FERRY3: variants seen among roughly 807,000 people sequenced by gnomAD.
FERRY3 encodes FERRY endosomal RAB5 effector complex subunit 3.
chr12:4,495,219 A>G, the FERRY3 span, among the ~76,000 whole-genome samples: 3 of 152,168 alleles, frequency 2.0e-5, no homozygotes, highest in African/African-American at 7.2e-5. Context: ...CACTTACGTT[A>G]AACATTTTAT....
the FERRY3 span, among the ~76,000 whole-genome samples, chr12:4,535,204 A>C: frequency 6.6e-6 from 1 of 152,200 alleles, no homozygotes; most frequent in East Asian, 1.9e-4. This position sits in a 1 kb window ranked among gnomAD's most constrained non-coding sequence, Gnocchi z 4.0. Flanking sequence ...TCGCGACTTT[A>C]GACTGTGGTT....
At chr12:4,517,072 T>C in the FERRY3 span, 1 of 1,551,900 alleles carries the variant, frequency 6.4e-7, no homozygotes, top group Non-Finnish European at 8.7e-7. Flanking sequence ...AAGTGATTCT[T>C]TCAATTTACT....
chr12:4,491,845 T>A, the FERRY3 span, among the ~76,000 whole-genome samples: 2 of 152,226 alleles, frequency 1.3e-5, no homozygotes, highest in Admixed American at 1.3e-4. Context: ...TAAATCTTCA[T>A]AATTATAACT....
chr12:4,501,927 G>A, the FERRY3 span, among the ~76,000 whole-genome samples: 10 of 152,052 alleles, frequency 6.6e-5, no homozygotes, highest in South Asian at 2.1e-4. Context: ...TGGACCCTGC[G>A]TCTCTCTCCA....
At chr12:4,490,456 A>G in the FERRY3 span, 11 of 1,291,608 alleles carry the variant, frequency 8.5e-6, no homozygotes, top group Non-Finnish European at 1.2e-5. Flanking sequence ...CAGGATGCCT[A>G]GCTGTATCTG....
chr12:4,489,827 T>C, the FERRY3 span: 1 of 1,606,888 alleles, frequency 6.2e-7, no homozygotes, highest in Non-Finnish European at 8.5e-7. Flanking sequence ...GATGTCAGAG[T>C]GAGTGTTGAT....
the FERRY3 span, among the ~76,000 whole-genome samples, chr12:4,502,682 G>A: frequency 6.6e-6 from 1 of 152,124 alleles, no homozygotes; most frequent in Non-Finnish European, 1.5e-5. This position sits in a 1 kb window ranked among gnomAD's most constrained non-coding sequence, Gnocchi z 4.2. Context: ...TAAACATACA[G>A]TATACTTAAA....
chr12:4,505,298 A>G, the FERRY3 span: 1 of 1,533,326 alleles, frequency 6.5e-7, no homozygotes, highest in Non-Finnish European at 9.0e-7. Context: ...ATAAAAAGAA[A>G]TACTTACCAG....
the FERRY3 span, chr12:4,491,169 A>T: frequency 6.2e-7 from 1 of 1,612,684 alleles, no homozygotes; most frequent in Admixed American, 1.7e-5. Context: ...AGAGAAGATT[A>T]TGCTCACCTT....
chr12:4,509,502 G>A, the FERRY3 span, among the ~76,000 whole-genome samples: 1 of 150,364 alleles, frequency 6.7e-6, no homozygotes, highest in East Asian at 1.9e-4. Context: ...GTCCCTGTCT[G>A]ACAGCTTTGA....
chr12:4,516,018 T>C, the FERRY3 span, among the ~76,000 whole-genome samples: 2 of 152,138 alleles, frequency 1.3e-5, no homozygotes, highest in Non-Finnish European at 2.9e-5. Context: ...TGGATAAATA[T>C]AGAAAAAGCA....
the FERRY3 span, among the ~76,000 whole-genome samples, chr12:4,530,881 C>CA: frequency 2.2e-3 from 329 of 151,840 alleles, 2 homozygotes; most frequent in African/African-American, 7.4e-3. Context: ...ACTGAGAAGT[C>CA]AAAGATCATA....
the FERRY3 span, among the ~76,000 whole-genome samples, chr12:4,517,518 G>T: frequency 6.6e-6 from 1 of 151,176 alleles, no homozygotes; most frequent in African/African-American, 2.4e-5. Context: ...TTTATGAGGG[G>T]AAATAAATTC....
chr12:4,525,745 G>C, the FERRY3 span, among the ~76,000 whole-genome samples: 1 of 152,122 alleles, frequency 6.6e-6, no homozygotes, highest in Non-Finnish European at 1.5e-5. Context: ...TAGAATCCTT[G>C]GAAATGGAGA....
chr12:4,525,343 T>C, the FERRY3 span: 2 of 1,613,600 alleles, frequency 1.2e-6, no homozygotes, highest in Non-Finnish European at 1.7e-6. Flanking sequence ...CAGTTGATTG[T>C]TTTAATTCAT....
chr12:4,518,723 A>G, the FERRY3 span: 4 of 996,300 alleles, frequency 4.0e-6, no homozygotes, highest in Non-Finnish European at 5.9e-6. Context: ...ATTAAAAAAT[A>G]GTTTCAGAAG....
chr12:4,528,348 C>A, the FERRY3 span, among the ~76,000 whole-genome samples: 126 of 152,216 alleles, frequency 8.3e-4, no homozygotes, highest in African/African-American at 3.0e-3. Flanking sequence ...AAACCTAATT[C>A]TATATTTTGT....
chr12:4,512,538 C>T, the FERRY3 span, among the ~76,000 whole-genome samples: 14 of 151,502 alleles, frequency 9.2e-5, no homozygotes, highest in East Asian at 2.7e-3. Flanking sequence ...AAAGCTTATC[C>T]ACCATGATCA....
chr12:4,531,896 G>A, the FERRY3 span, among the ~76,000 whole-genome samples: 944 of 152,092 alleles, frequency 6.2e-3, 9 homozygotes, highest in African/African-American at 0.022. Context: ...TTACTTTCCC[G>A]AACTCTACAA....
Sources: gnomAD v4.1 joint callset for allele counts (sites outside exome capture counted in the v4.1 genomes callset) on GRCh38, gnomAD v4.1.1 for gene constraint, Gnocchi (gnomAD v3.1) non-coding constraint, MANE v1.5 for transcripts, NCBI Gene and HGNC (gene_info 2026-07-23, HGNC 2026-07-21) for gene names.